CMTM7: variants seen among roughly 807,000 people sequenced by gnomAD.
CMTM7 encodes CKLF-like MARVEL transmembrane domain-containing protein 7.
CMTM7 carries 7 observed loss-of-function variants against 19.3 expected under a neutral mutation model. The observed-to-expected ratio is 0.36, with a 90% CI of 0.21 to 0.68. The LOEUF is 0.68. Ranked by LOEUF, CMTM7 falls within the 30% of genes least tolerant of loss-of-function variation. CMTM7 has a pLI of 0.60. For missense variants in CMTM7, 193 were observed against 232.6 expected, an observed-to-expected ratio of 0.83 and a Z score of 1.11; for synonymous variants, 87 against 99.3, an observed-to-expected ratio of 0.88 and a Z score of 0.74.
chr3:32,443,125 G>T (rs1000187655), intron 2 of CMTM7, among the ~76,000 whole-genome samples: 2 of 152,116 alleles, frequency 1.3e-5, no homozygotes, highest in African/African-American at 2.4e-5. Context: ...TAGAGACAGG[G>T]TCTCACTCTG....
intron 1 of CMTM7, among the ~76,000 whole-genome samples, chr3:32,424,684 G>T (rs1265396655): frequency 6.7e-6 from 1 of 149,600 alleles, no homozygotes; most frequent in Non-Finnish European, 1.5e-5. Flanking sequence ...TCACTCTGTC[G>T]CCCAGGCTGG....
At chr3:32,452,184 A>G (rs1696841879) in intron 3 of CMTM7, 1 of 1,509,792 alleles carries the variant, frequency 6.6e-7, no homozygotes, top group South Asian at 1.2e-5. Flanking sequence ...ACCTGGCCCA[A>G]CCTGGAGGAC....
chr3:32,435,139 C>T (rs867012420), intron 1 of CMTM7, among the ~76,000 whole-genome samples: 5 of 152,198 alleles, frequency 3.3e-5, no homozygotes, highest in Admixed American at 2.0e-4. Flanking sequence ...CACGGTGGCT[C>T]ACGCCTGTAA....
rs765074699 is a variant in CMTM7 at position 32,454,354 on chromosome 3, C to A, written c.*100C>A. 2.0e-5 allele frequency: 29 copies of A among 1,466,976 alleles called. No individual in the cohort carries two copies. Among genetic ancestry groups the A allele is most frequent in the Non-Finnish European group, 2.7e-5 (28 of 1,052,988 alleles). 90.9% of individuals were successfully genotyped at this position (1,466,976 alleles called of 1,614,324 possible). ...CTGTGTTCCTGTGCCAAAGTCCTGT[C>A]AGGCTGGTGGGCACCAGGAAAGGCC... On this transcript the variant is annotated 3_prime_UTR_variant, in exon 5 of 5. Coordinates refer to ENST00000334983, the MANE Select transcript of CMTM7 (RefSeq NM_138410.4).
intron 1 of CMTM7, among the ~76,000 whole-genome samples, chr3:32,401,769 A>C (rs1559400531): frequency 6.6e-6 from 1 of 152,146 alleles, no homozygotes; most frequent in Admixed American, 6.5e-5. Context: ...CTCGCTGCTC[A>C]TTCCCTGGCA....
At chr3:32,413,107 T>G (rs926051076) in intron 1 of CMTM7, among the ~76,000 whole-genome samples, 21 of 152,356 alleles carry the variant, frequency 1.4e-4, no homozygotes, top group South Asian at 8.3e-4. Flanking sequence ...AACCCATTCA[T>G]TCATGTATTA....
chr3:32,391,870 C>G lies in CMTM7; in HGVS notation c.-37C>G. 8.3e-7 allele frequency: 1 copy of G among 1,199,112 alleles called. No homozygotes were observed. The highest frequency in any genetic ancestry group is 1.0e-6 in the Non-Finnish European group (1 of 966,000). The allele number at this position is 1,199,112 out of a possible 1,614,324, so 74.3% of individuals were successfully genotyped here. Reference sequence around the variant, plus strand: ...CCCTCTGTATCTGGCCCCTGGGCAGCTGCCCGGGGAGGCGGCCAGCGAGCT... The same window carrying G: ...CCCTCTGTATCTGGCCCCTGGGCAGGTGCCCGGGGAGGCGGCCAGCGAGCT... On this transcript the variant is annotated 5_prime_UTR_variant, in exon 1 of 5. Coordinates refer to ENST00000334983, the MANE Select transcript of CMTM7 (RefSeq NM_138410.4).
intron 3 of CMTM7, among the ~76,000 whole-genome samples, chr3:32,450,319 G>A (rs933004417): frequency 3.9e-5 from 6 of 152,116 alleles, no homozygotes; most frequent in African/African-American, 1.4e-4. Context: ...TGCACCTGTA[G>A]TCCCAGGCAC....
rs543634996 is a variant in CMTM7, at chr3:32,426,145, C to CA, written c.160-15687dup. On this transcript the variant is annotated intron_variant, in intron 1 of 4. Coordinates refer to ENST00000334983, the MANE Select transcript of CMTM7 (RefSeq NM_138410.4). ...GGGCAACAGGAGTGAAACTCCGTCT[C>CA]AAAAAAAACAAAAAAACAAAACAAA... 2.7e-3 allele frequency among the ~76,000 whole-genome samples: 416 copies of CA among 151,562 alleles called. 2 individuals are homozygous for CA. Among genetic ancestry groups the CA allele is most frequent in the African/African-American group, 9.3e-3 (383 of 41,298 alleles).
chr3:32,415,150 C>T (rs181019759), intron 1 of CMTM7, among the ~76,000 whole-genome samples: 53 of 152,160 alleles, frequency 3.5e-4, no homozygotes, highest in Admixed American at 1.6e-3. Context: ...GACGAGATCA[C>T]GCCACTGCAC....
chr3:32,430,525 C>A (rs111388812), intron 1 of CMTM7, among the ~76,000 whole-genome samples: 4,175 of 152,170 alleles, frequency 0.027, 201 homozygotes, highest in African/African-American at 0.095. Context: ...CTAGGGACAC[C>A]ACAGTGAATC....
intron 1 of CMTM7, among the ~76,000 whole-genome samples, chr3:32,428,108 G>C (rs1178155284): frequency 6.6e-6 from 1 of 152,188 alleles, no homozygotes; most frequent in Non-Finnish European, 1.5e-5. Flanking sequence ...AGAGGGGCTT[G>C]GTCCCAGAAT....
intron 1 of CMTM7, among the ~76,000 whole-genome samples, chr3:32,393,671 T>C (rs1034845491): frequency 6.6e-6 from 1 of 151,144 alleles, no homozygotes; most frequent in Non-Finnish European, 1.5e-5. Flanking sequence ...GGGCCTCTAG[T>C]CCCAGTTACT....
intron 1 of CMTM7, among the ~76,000 whole-genome samples, chr3:32,423,000 T>C (rs149177311): frequency 3.9e-4 from 59 of 152,366 alleles, no homozygotes; most frequent in African/African-American, 1.2e-3. Context: ...CCATCATAAC[T>C]GTAGGCACAA....
chr3:32,398,342 G>A (rs1050032754), intron 1 of CMTM7, among the ~76,000 whole-genome samples: 3 of 152,068 alleles, frequency 2.0e-5, no homozygotes, highest in Non-Finnish European at 2.9e-5. Context: ...TTTCACAAGC[G>A]GCAATGATGG....
At chr3:32,451,696 T>A (rs1231699410) in intron 3 of CMTM7, 1 of 191,248 alleles carries the variant, frequency 5.2e-6, no homozygotes, top group Non-Finnish European at 1.1e-5. Flanking sequence ...CAGAAGAAGC[T>A]ACTGCCTCTT....
At position 32,449,697 on chromosome 3, in the gene CMTM7, C is replaced by T. The variant is rs1696802652; in HGVS notation, c.432+145C>T. The T allele has an allele frequency of 1.4e-6, 1 of 699,410 alleles. No individual in the cohort carries two copies. Among genetic ancestry groups the T allele is most frequent in the Non-Finnish European group, 2.6e-6 (1 of 391,442 alleles). The allele number at this position is 699,410 out of a possible 1,614,324, so 43.3% of individuals were successfully genotyped here. A position where few individuals can be genotyped will look rare whatever the true frequency, so the allele number is the denominator to read the frequency against. On this transcript the variant is annotated intron_variant, in intron 3 of 4. Transcript: ENST00000334983. This position sits in a 1 kb window ranked among gnomAD's most constrained non-coding sequence, Gnocchi z 4.5. The stretch of plus-strand genomic sequence containing the variant: ...ACCTTGATCCAGCCATCAGCTCTCT[C>T]CAAAGAGCCTTAAGCAGAGGCGTAC...
At chr3:32,395,420 C>A (rs372460468) in intron 1 of CMTM7, among the ~76,000 whole-genome samples, 1 of 151,952 alleles carries the variant, frequency 6.6e-6, no homozygotes, top group East Asian at 1.9e-4. Context: ...AGTGAAGTAA[C>A]ATGTTTGATA....
chr3:32,443,238 A>G (rs1696707231), intron 2 of CMTM7, among the ~76,000 whole-genome samples: 1 of 151,138 alleles, frequency 6.6e-6, no homozygotes, highest in Non-Finnish European at 1.5e-5. Flanking sequence ...AGCTGAGACT[A>G]CAGGTGCATG....
Sources: gnomAD v4.1 joint callset for allele counts (sites outside exome capture counted in the v4.1 genomes callset) on GRCh38, gnomAD v4.1.1 for gene constraint, Gnocchi (gnomAD v3.1) non-coding constraint, MANE v1.5 for transcripts, NCBI Gene and HGNC (gene_info 2026-07-23, HGNC 2026-07-21) for gene names.